Variants in AEBP2 observed in about 807,000 individuals in gnomAD.
The protein encoded by AEBP2 is AE binding protein 2, also known as zinc finger protein AEBP2.
Under a neutral mutation model 50.8 loss-of-function variants are expected in AEBP2, and 10 were observed. That is an observed-to-expected ratio of 0.20 (90% CI 0.12 to 0.33). The LOEUF is 0.33. Among genes scored for constraint, AEBP2 ranks in the 10% least tolerant of loss-of-function variants. AEBP2 has a pLI of 1.00. For missense variants in AEBP2, 570 were observed against 688.0 expected (o/e 0.83, Z 1.92); for synonymous variants, 296 against 261.3 (o/e 1.13, Z -1.28).
intron 1 of AEBP2, among the ~76,000 whole-genome samples, chr12:19,434,250 C>T (rs1276665081): frequency 1.3e-5 from 2 of 150,116 alleles, no homozygotes; most frequent in Non-Finnish European, 2.9e-5. Context: ...CTTCACTCAC[C>T]ACAACCTCCA....
intron 3 of AEBP2, among the ~76,000 whole-genome samples, chr12:19,479,685 T>C (rs371687027): frequency 2.2e-4 from 32 of 145,302 alleles, no homozygotes; most frequent in African/African-American, 7.9e-4. Context: ...GGACTAATTC[T>C]TTTATTATTA....
intron 5 of AEBP2, among the ~76,000 whole-genome samples, chr12:19,506,177 A>C (rs1207241944): frequency 1.3e-5 from 2 of 151,872 alleles, no homozygotes; most frequent in African/African-American, 4.8e-5. Flanking sequence ...GCTCACTGCA[A>C]CCTCTGCCTC....
intron 1 of AEBP2, among the ~76,000 whole-genome samples, chr12:19,447,532 C>A (rs937069384): frequency 6.6e-6 from 1 of 152,058 alleles, no homozygotes; most frequent in African/African-American, 2.4e-5. Flanking sequence ...CAGACACAAC[C>A]GTCACTAGAA....
intron 7 of AEBP2, among the ~76,000 whole-genome samples, chr12:19,517,221 A>G (rs1949332803): frequency 1.3e-5 from 2 of 152,214 alleles, no homozygotes; most frequent in Admixed American, 1.3e-4. Context: ...TAAAAGAAGA[A>G]AAACAATTAT....
chr12:19,518,438 C>CT lies in AEBP2; in HGVS notation c.*331dup, dbSNP rs767912327. 4.6e-3 allele frequency: 5,235 copies of CT among 1,138,786 alleles called. 1 individual carries two copies. Among genetic ancestry groups the CT allele is most frequent in the East Asian group, 0.012 (331 of 27,602 alleles). The allele number at this position is 1,138,786 out of a possible 1,614,324, so 70.5% of individuals were successfully genotyped here. ...TTTGCATGCTTGCTGCTTTAAGCTG[C>CT]TTTTTTTTTTCTTTTCTTCCCTTTA... On this transcript the variant is annotated 3_prime_UTR_variant, in exon 8 of 8. Transcript: ENST00000266508.
At chr12:19,447,945 A>G (rs535735666) in intron 1 of AEBP2, among the ~76,000 whole-genome samples, 2 of 152,292 alleles carry the variant, frequency 1.3e-5, no homozygotes, top group South Asian at 4.1e-4. Flanking sequence ...ACAAATAGAT[A>G]ATGGATTATC....
At position 19,500,190 on chromosome 12, in the gene AEBP2, G is replaced by A; in HGVS notation, c.1268G>A (p.Gly423Glu). The change falls in exon 5 of 8, where the codon GGG becomes GAG. Residue 423 changes from glycine (G) to glutamate (E), a missense_variant. Gly to Glu is a moderately conservative substitution (Grantham distance 98). Around this residue, in one of 2 missense-constraint regions of AEBP2, gnomAD observed 184 missense variants for 351.2 expected, o/e 0.52. Coordinates refer to ENST00000266508, the MANE Select transcript of AEBP2 (RefSeq NM_153207.5). ...FNLSAHIESL[G>E]KGHSVVFHST... The stretch of plus-strand genomic sequence containing the variant: ...CTCTCAGCTCATATAGAAAGTTTAG[G>A]GAAGGGACACAGTGTTGTTTTTCAT... The A allele has an allele frequency of 6.3e-7, 1 of 1,584,002 alleles. No individual in the cohort carries two copies. Among genetic ancestry groups the A allele is most frequent in the Non-Finnish European group, 8.6e-7 (1 of 1,164,586 alleles).
chr12:19,497,266 A>G (rs1275411857), intron 4 of AEBP2, among the ~76,000 whole-genome samples: 3 of 150,646 alleles, frequency 2.0e-5, no homozygotes, highest in Admixed American at 1.3e-4. Context: ...AAGATAAATC[A>G]TACAATATAT....
intron 5 of AEBP2, among the ~76,000 whole-genome samples, chr12:19,501,434 A>G (rs935627992): frequency 5.3e-5 from 8 of 152,240 alleles, no homozygotes; most frequent in Admixed American, 1.3e-4. Context: ...TAGGAATTCA[A>G]TACCAGCCTG....
chr12:19,479,231 T>C (rs1948692294), intron 3 of AEBP2, among the ~76,000 whole-genome samples: 6 of 152,162 alleles, frequency 3.9e-5, no homozygotes, highest in Admixed American at 3.9e-4. Context: ...TTTGGTAGAA[T>C]GTTCTGTAAA....
Position 19,439,567 on chromosome 12 carries a change from C to G in AEBP2, c.-133C>G, listed in dbSNP as rs1947901561. Reference sequence around the variant, plus strand: ...GTAGCGCGTGTGCAGGCTGACGCAGCTCGCGGGCCCTCCTCCTGCTCTGCA... The same window carrying G: ...GTAGCGCGTGTGCAGGCTGACGCAGGTCGCGGGCCCTCCTCCTGCTCTGCA... On this transcript the variant is annotated 5_prime_UTR_variant, in exon 1 of 8. Coordinates refer to ENST00000266508, the MANE Select transcript of AEBP2 (RefSeq NM_153207.5). The G allele has an allele frequency of 4.9e-6, 6 of 1,220,074 alleles. No individual in the cohort carries two copies. In the African/African-American group the frequency reaches 8.1e-5, roughly 16 times the overall value. 75.6% of individuals were successfully genotyped at this position (1,220,074 alleles called of 1,614,324 possible). A position where few individuals can be genotyped will look rare whatever the true frequency, so the allele number is the denominator to read the frequency against.
intron 3 of AEBP2, among the ~76,000 whole-genome samples, chr12:19,476,678 T>C (rs1487096772): frequency 1.3e-5 from 2 of 152,192 alleles, no homozygotes; most frequent in African/African-American, 4.8e-5. Flanking sequence ...GGTCTATGTG[T>C]CTGTTTTATT....
chr12:19,442,447 A>G (rs1480866253), intron 1 of AEBP2, among the ~76,000 whole-genome samples: 1 of 152,168 alleles, frequency 6.6e-6, no homozygotes, highest in Admixed American at 6.5e-5. Context: ...TTTTGTTTTT[A>G]GTTAGTGTCC....
chr12:19,468,616 T>C (rs1948523295), intron 2 of AEBP2, among the ~76,000 whole-genome samples: 1 of 152,206 alleles, frequency 6.6e-6, no homozygotes, highest in Admixed American at 6.5e-5. Context: ...ATACAAGCCA[T>C]TTTAAGTATA....
At position 19,439,909 on chromosome 12, in the gene AEBP2, C is replaced by G; in HGVS notation, c.210C>G (p.Gly70=). 6.7e-7 allele frequency: 1 copy of G among 1,485,966 alleles called. No homozygotes were observed. Among genetic ancestry groups the G allele is most frequent in the South Asian group, 1.3e-5 (1 of 78,430 alleles). 92.0% of individuals were successfully genotyped at this position (1,485,966 alleles called of 1,614,324 possible). A position where few individuals can be genotyped will look rare whatever the true frequency, so the allele number is the denominator to read the frequency against. Residue 70 remains glycine (G), a synonymous_variant, in exon 1 of 8, where the codon GGC becomes GGG. Transcript: ENST00000266508. ...GCAGCGGTGGGGGCGGCGGAGGCGG[C>G]GGCGGAGGAGTGGGGGGCGGCGAGG... ...NGGSGGGGGG[G]GGGVGGGEAE...
At chr12:19,410,998 G>T (rs1039501885) in intron 1 of AEBP2, among the ~76,000 whole-genome samples, 2 of 152,256 alleles carry the variant, frequency 1.3e-5, no homozygotes, top group Non-Finnish European at 1.5e-5. Context: ...CAATGGCAGA[G>T]AAATTGCTGA....
At chr12:19,490,230 A>G (rs1217567787) in intron 3 of AEBP2, among the ~76,000 whole-genome samples, 1 of 151,938 alleles carries the variant, frequency 6.6e-6, no homozygotes, top group African/African-American at 2.4e-5. Flanking sequence ...GGACAAAATG[A>G]CTCTTAAGAC....
chr12:19,494,838 C>A, intron 4 of AEBP2, among the ~76,000 whole-genome samples: 1 of 152,228 alleles, frequency 6.6e-6, no homozygotes. Context: ...TAGGAACAGA[C>A]TTTGCAACCT....
intron 1 of AEBP2, among the ~76,000 whole-genome samples, chr12:19,408,387 T>A (rs2095737472): frequency 6.6e-6 from 1 of 151,560 alleles, no homozygotes; most frequent in Non-Finnish European, 1.5e-5. Flanking sequence ...TGAAACTCTG[T>A]CTCTACTATA....
Sources: gnomAD v4.1 joint callset for allele counts (sites outside exome capture counted in the v4.1 genomes callset) on GRCh38, gnomAD v4.1.1 for gene constraint, gnomAD v4.1.1 regional missense constraint, MANE v1.5 for transcripts, NCBI Gene and HGNC (gene_info 2026-07-23, HGNC 2026-07-21) for gene names.